The following NRAP variants were observed in gnomAD, a reference collection of about 807,000 sequenced individuals.
NRAP encodes the protein nebulin-related-anchoring protein.
NRAP carries 189 observed loss-of-function variants against 225.9 expected under a neutral mutation model. The observed-to-expected ratio is 0.84, with a 90% CI of 0.74 to 0.94. NRAP has a LOEUF of 0.94. Among genes scored for constraint, NRAP ranks in the 40% least tolerant of loss-of-function variants. NRAP has a pLI of 0.00. For synonymous variants in NRAP, 769 were observed against 790.7 expected (o/e 0.97, Z 0.46); for missense variants, 2,176 against 2,168.7 (o/e 1.00, Z -0.07).
At chr10:113,621,314 TACACACACACAC>T (rs5788033) in intron 24 of NRAP, among the ~76,000 whole-genome samples, 3 of 150,876 alleles carry the variant, frequency 2.0e-5, no homozygotes, top group South Asian at 2.1e-4. Flanking sequence ...AGGGTGTGTC[TACACACACACAC>T]ACACACACAC....
intron 4 of NRAP, among the ~76,000 whole-genome samples, chr10:113,656,056 C>T (rs894784600): frequency 4.2e-5 from 3 of 70,670 alleles, no homozygotes; most frequent in African/African-American, 1.7e-4. Context: ...TCATTATACC[C>T]GCCTCCCTTT....
rs540488703 is a variant in NRAP, at chr10:113,634,894, C to T, written c.1429-684G>A. On this transcript the variant is annotated intron_variant, in intron 14 of 41. Coordinates refer to ENST00000359988, the MANE Select transcript of NRAP (RefSeq NM_198060.4). ...CAAGTGGGAGACAATGGAGCATCAG[C>T]GACTCCTTGTAGGTGGCCCTAACAT... is the stretch of plus-strand genomic sequence containing the variant. Among the ~76,000 whole-genome samples, 6 of 152,274 alleles carry T rather than the reference C, an allele frequency of 3.9e-5. No homozygotes were observed. The South Asian group carries it at 1.0e-3, about 26-fold the overall frequency.
At chr10:113,606,134 A>G (rs768252095) in intron 33 of NRAP, 44 bp downstream of exon 33, 16 of 1,386,466 alleles carry the variant, frequency 1.2e-5, no homozygotes, top group Non-Finnish European at 1.5e-5. Flanking sequence ...GTAGACATAC[A>G]TGGCTTTGGA....
intron 23 of NRAP, 56 bp downstream of exon 23, chr10:113,623,473 C>T (rs889209361): frequency 9.0e-7 from 1 of 1,108,772 alleles, no homozygotes; most frequent in South Asian, 1.3e-5. Context: ...GAGAATCTCC[C>T]CGGTATAAAA....
rs772967975 is a variant in NRAP, at chr10:113,650,190, G to T, written c.784-49C>A. 4 of 1,161,260 alleles carry T rather than the reference G, an allele frequency of 3.4e-6. No individual in the cohort carries two copies. The South Asian group carries it at 4.9e-5, about 14-fold the overall frequency. The allele number at this position is 1,161,260 out of a possible 1,614,324, so 71.9% of individuals were successfully genotyped here. A position where few individuals can be genotyped will look rare whatever the true frequency, so the allele number is the denominator to read the frequency against. ...TCGGTGAATTTGACTCCCATGCACAGGAGCCAAAAGAGTAAAAGTGAATGT... is the reference window on the plus strand; with the variant it reads ...TCGGTGAATTTGACTCCCATGCACATGAGCCAAAAGAGTAAAAGTGAATGT... On this transcript the variant is annotated intron_variant, in intron 8 of 41. Transcript: ENST00000359988.
In NRAP at chr10:113,610,509, C is replaced by A; in HGVS notation, c.3553G>T (p.Gly1185Cys). The A allele has an allele frequency of 1.2e-6, 2 of 1,605,744 alleles. No homozygotes were observed. The highest frequency in any genetic ancestry group is 2.2e-5 in the East Asian group (1 of 44,824). The change falls in exon 31 of 42, where the codon GGC becomes TGC. Residue 1185 changes from glycine (G) to cysteine (C), a missense_variant. Physicochemically the swap from Gly to Cys is radical, Grantham distance 159. Transcript: ENST00000359988. ...FMRGVACVIP[G>C]TLEIEGRKKA... ...TTCCTCCCTTCAATCTCTAACGTGC[C>A]TGGAATGACACATGCAACACCTCGC...
Position 113,620,625 on chromosome 10 carries a change from C to A in NRAP, c.2853G>T (p.Lys951Asn), listed in dbSNP as rs748847552. 6.2e-7 allele frequency: 1 copy of A among 1,613,028 alleles called. No individual in the cohort carries two copies. The highest frequency in any genetic ancestry group is 8.5e-7 in the Non-Finnish European group (1 of 1,179,114). The change falls in exon 25 of 42, where the codon AAG becomes AAT. Residue 951 changes from lysine to asparagine, a missense_variant. Around this residue, in one of 3 missense-constraint regions of NRAP, gnomAD observed 1,708 missense variants for 1,695.5 expected, o/e 1.01. Transcript: ENST00000359988. ...TGSLNVEQAK[K>N]AGELISEKKY... Reference sequence around the variant, plus strand: ...TCACCTCGCTAATGAGTTCTCCTGCCTTCTTCGCCTGCTCCACATTTAATG... The same window carrying A: ...TCACCTCGCTAATGAGTTCTCCTGCATTCTTCGCCTGCTCCACATTTAATG...
Position 113,595,704 on chromosome 10 carries a change from T to C in NRAP, c.4455A>G (p.Ala1485=). The change falls in exon 38 of 42, where the codon GCA becomes GCG. Residue 1485 remains alanine (A), a synonymous_variant. Coordinates refer to ENST00000359988, the MANE Select transcript of NRAP (RefSeq NM_198060.4). ...CNERMYRSGD[A]ESLHRYTLIP... The stretch of plus-strand genomic sequence containing the variant: ...TCAGGGTGTATCTGTGCAGGGATTC[T>C]GCATCTCCAGATCTATACATGCGCT... 6.2e-7 allele frequency: 1 copy of C among 1,613,202 alleles called. No individual in the cohort carries two copies. The highest frequency in any genetic ancestry group is 8.5e-7 in the Non-Finnish European group (1 of 1,179,130).
At chr10:113,620,375 T>C (rs1461443386) in intron 25 of NRAP, among the ~76,000 whole-genome samples, 1 of 152,198 alleles carries the variant, frequency 6.6e-6, no homozygotes, top group East Asian at 1.9e-4. Flanking sequence ...TGATTGTCAT[T>C]ATTATTCATA....
chr10:113,634,155 G>A lies in NRAP; in HGVS notation c.1484C>T (p.Pro495Leu). Reference sequence around the variant, plus strand: ...ATTGATTTTGGCTTGAACAATCTGTGGGGTGTCAGTCACCGAGCTGTACTT... The same window carrying A: ...ATTGATTTTGGCTTGAACAATCTGTAGGGTGTCAGTCACCGAGCTGTACTT... The part of the protein sequence containing the change: ...KLKYSSVTDT[P>L]QIVQAKINAQ... The change falls in exon 15 of 42, where the codon CCA becomes CTA. Residue 495 changes from proline to leucine, a missense_variant. This residue lies in a region of NRAP where 1,708 missense variants were observed against 1,695.5 expected (regional missense o/e 1.01). Coordinates refer to ENST00000359988, the MANE Select transcript of NRAP (RefSeq NM_198060.4). 1 of 1,613,858 alleles carries A rather than the reference G, an allele frequency of 6.2e-7. No individual in the cohort carries two copies. The highest frequency in any genetic ancestry group is 1.1e-5 in the South Asian group (1 of 91,058).
Position 113,592,240 on chromosome 10 carries a change from G to C in NRAP, c.4598C>G (p.Ala1533Gly). 1 of 1,612,394 alleles carries C rather than the reference G, an allele frequency of 6.2e-7. No individual in the cohort carries two copies. The highest frequency in any genetic ancestry group is 8.5e-7 in the Non-Finnish European group (1 of 1,179,018). ...RAGSYDFRLD[A>G]IPFQTARASR... ...TGCCCGGGCAGTCTGGAAGGGGATG[G>C]CATCCAGCCTGAAGTCATAACTGCC... is the stretch of plus-strand genomic sequence containing the variant. The change falls in exon 39 of 42, where the codon GCC becomes GGC. Residue 1533 changes from alanine to glycine, a missense_variant. Ala to Gly is a moderately conservative substitution (Grantham distance 60). Coordinates refer to ENST00000359988, the MANE Select transcript of NRAP (RefSeq NM_198060.4).
intron 14 of NRAP, among the ~76,000 whole-genome samples, chr10:113,635,676 C>G (rs968794832): frequency 6.6e-6 from 1 of 152,200 alleles, no homozygotes; most frequent in Non-Finnish European, 1.5e-5. Flanking sequence ...GATCCTCCCA[C>G]CTCAGCCTCC....
chr10:113,663,726 T>G, intron 1 of NRAP, 85 bp downstream of exon 1: 1 of 957,298 alleles, frequency 1.0e-6, no homozygotes, highest in Non-Finnish European at 1.7e-6. Flanking sequence ...AAAATTAAAT[T>G]TCCATATTTA....
chr10:113,647,075 A>T, intron 9 of NRAP, 48 bp from the exon 10 acceptor site: 2 of 1,199,940 alleles, frequency 1.7e-6, no homozygotes, highest in South Asian at 1.2e-5. Flanking sequence ...CCCTCCCCAG[A>T]TGGGTGGGGT....
chr10:113,624,869 G>A lies in NRAP; in HGVS notation c.2306C>T (p.Pro769Leu). 3 of 1,614,104 alleles carry A rather than the reference G, an allele frequency of 1.9e-6. No individual in the cohort carries two copies. The highest frequency in any genetic ancestry group is 1.7e-5 in the Admixed American group (1 of 60,016). ...VHQYTISKDE[P>L]LFLQARANAA... The stretch of plus-strand genomic sequence containing the variant: ...ATTGGCTCGGGCCTGCAGGAAGAGA[G>A]GCTCGTCTTTGCTGATGGTATACTG... Residue 769 changes from proline (P) to leucine (L), a missense_variant, in exon 22 of 42, where the codon CCT becomes CTT. Coordinates refer to ENST00000359988, the MANE Select transcript of NRAP (RefSeq NM_198060.4).
At chr10:113,659,737 T>C (rs1166646109) in intron 3 of NRAP, among the ~76,000 whole-genome samples, 1 of 152,212 alleles carries the variant, frequency 6.6e-6, no homozygotes, top group East Asian at 1.9e-4. Flanking sequence ...TTTGCAAGTA[T>C]TTATTTATTT....
intron 36 of NRAP, 64 bp from the exon 37 acceptor site, chr10:113,597,248 A>AT: frequency 9.8e-7 from 1 of 1,016,788 alleles, no homozygotes; most frequent in Non-Finnish European, 1.6e-6. Context: ...TTCAGGGTGC[A>AT]GCTTCACTCC....
rs369326310 is a variant in NRAP at position 113,595,686 on chromosome 10, G to A, written c.4473C>T (p.Tyr1491=). 1.9e-6 allele frequency: 3 copies of A among 1,613,922 alleles called. No individual in the cohort carries two copies. Among genetic ancestry groups the A allele is most frequent in the Middle Eastern group, 1.6e-4 (1 of 6,062 alleles). Residue 1491 remains tyrosine (Y), a synonymous_variant, in exon 38 of 42, where the codon TAC becomes TAT. Transcript: ENST00000359988. ...RSGDAESLHR[Y]TLIPDHPDFT... ...AATCGGGATGGTCGGGGATCAGGGT[G>A]TATCTGTGCAGGGATTCTGCATCTC...
At chr10:113,617,172 C>T (rs1423252689) in intron 26 of NRAP, among the ~76,000 whole-genome samples, 3 of 152,126 alleles carry the variant, frequency 2.0e-5, no homozygotes, top group Non-Finnish European at 2.9e-5. Flanking sequence ...GAGAAAACAG[C>T]CTCACCACGA....
Sources: allele counts gnomAD v4.1 joint callset (sites outside exome capture counted in the v4.1 genomes callset), GRCh38; gene constraint gnomAD v4.1.1; regional missense constraint gnomAD v4.1.1; transcripts MANE v1.5; gene names NCBI Gene and HGNC (gene_info 2026-07-23, HGNC 2026-07-21).